CD2AP: variants seen among roughly 807,000 people sequenced by gnomAD.
The protein encoded by CD2AP is CD2 associated protein.
CD2AP carries 46 observed loss-of-function variants against 85.1 expected under a neutral mutation model. The observed-to-expected ratio is 0.54, with a 90% CI of 0.43 to 0.69. CD2AP has a LOEUF of 0.69. Among genes scored for constraint, CD2AP ranks in the 30% least tolerant of loss-of-function variants. CD2AP has a pLI of 0.00. For missense variants in CD2AP, 769 were observed against 729.5 expected (o/e 1.05, Z -0.62); for synonymous variants, 255 against 252.9 (o/e 1.01, Z -0.08).
chr6:47,551,293 A>G (rs1307300002), intron 4 of CD2AP, among the ~76,000 whole-genome samples: 1 of 152,198 alleles, frequency 6.6e-6, no homozygotes, highest in African/African-American at 2.4e-5. Context: ...TTCAACATGT[A>G]TGTTTTGATA....
intron 3 of CD2AP, among the ~76,000 whole-genome samples, chr6:47,539,309 T>C (rs570549611): frequency 1.3e-5 from 2 of 152,330 alleles, no homozygotes; most frequent in Admixed American, 6.5e-5. Context: ...AAGGTAATTT[T>C]GTACTGGGGT....
chr6:47,622,858 A>G (rs1486538263), intron 17 of CD2AP, among the ~76,000 whole-genome samples: 1 of 152,190 alleles, frequency 6.6e-6, no homozygotes, highest in Non-Finnish European at 1.5e-5. Context: ...CCTGTCCGCC[A>G]TGATGATCCC....
At chr6:47,503,241 A>G in intron 1 of CD2AP, 39 bp from the exon 2 acceptor site, 3 of 1,577,252 alleles carry the variant, frequency 1.9e-6, no homozygotes, top group Non-Finnish European at 8.7e-7. Flanking sequence ...TATTTTGTGA[A>G]TTAGATTTTA....
intron 1 of CD2AP, among the ~76,000 whole-genome samples, chr6:47,502,736 C>T (rs1434197415): frequency 1.3e-5 from 2 of 151,990 alleles, no homozygotes; most frequent in African/African-American, 4.8e-5. Flanking sequence ...TCGTGATCTG[C>T]CTGCCTTGGC....
chr6:47,512,587 A>G (rs1766347467), intron 2 of CD2AP, among the ~76,000 whole-genome samples: 1 of 152,144 alleles, frequency 6.6e-6, no homozygotes, highest in Non-Finnish European at 1.5e-5. Flanking sequence ...TGCCCATTTC[A>G]TTGTCCCTTT....
chr6:47,479,121 C>T (rs1765382458), intron 1 of CD2AP, among the ~76,000 whole-genome samples: 1 of 152,148 alleles, frequency 6.6e-6, no homozygotes, highest in South Asian at 2.1e-4. Flanking sequence ...TTAAAAGCAA[C>T]TTAAGAATAG....
intron 5 of CD2AP, among the ~76,000 whole-genome samples, chr6:47,561,439 C>G (rs368356005): frequency 5.9e-5 from 9 of 152,136 alleles, no homozygotes; most frequent in African/African-American, 2.2e-4. Flanking sequence ...CTTCCCTACC[C>G]TAGTCTTGGA....
rs1288340486 is a variant in CD2AP at position 47,606,199 on chromosome 6, A to C, written c.1452A>C (p.Glu484Asp). ...VVNFDDIASS[E>D]NLLHLTANRP... ...ATTTTGATGACATAGCTTCCTCAGA[A>C]AACTTGCTTCATCTCACTGCAAATA... is the stretch of plus-strand genomic sequence containing the variant. The change falls in exon 14 of 18, where the codon GAA becomes GAC. Residue 484 changes from glutamate (E) to aspartate (D), a missense_variant. By Grantham distance (45) the Glu-to-Asp change is conservative. Coordinates refer to ENST00000359314, the MANE Select transcript of CD2AP (RefSeq NM_012120.3). 6.2e-7 allele frequency: 1 copy of C among 1,609,760 alleles called. No individual in the cohort carries two copies. Among genetic ancestry groups the C allele is most frequent in the Admixed American group, 1.7e-5 (1 of 59,922 alleles).
At chr6:47,581,817 A>G (rs765461264) in intron 10 of CD2AP, among the ~76,000 whole-genome samples, 186 bp from the exon 11 acceptor site, 3 of 152,168 alleles carry the variant, frequency 2.0e-5, no homozygotes, top group Non-Finnish European at 4.4e-5. Flanking sequence ...GAGACCACAG[A>G]GTAGGGTAAT....
At chr6:47,536,106 A>G (rs1466769051) in intron 3 of CD2AP, among the ~76,000 whole-genome samples, 1 of 152,142 alleles carries the variant, frequency 6.6e-6, no homozygotes, top group Non-Finnish European at 1.5e-5. Flanking sequence ...TTTAAAGTAC[A>G]TGTGCTGCAA....
Position 47,505,011 on chromosome 6 carries a change from CTTTTTTTTTTTTTTTT to C in CD2AP, c.165+1581_165+1596del, listed in dbSNP as rs58060161. ...AAGGCTGGGGTGGCTGTGGCAGTTT[CTTTTTTTTTTTTTTTT>C]TTTTTTTTTAATTTATTTTTTTATT... On this transcript the variant is annotated intron_variant, in intron 2 of 17. Coordinates refer to ENST00000359314, the MANE Select transcript of CD2AP (RefSeq NM_012120.3). 8.4e-5 allele frequency among the ~76,000 whole-genome samples: 8 copies of C among 95,116 alleles called. No homozygotes were observed. In the South Asian group the frequency reaches 2.0e-3, roughly 24 times the overall value. 62.4% of individuals were successfully genotyped at this position (95,116 alleles called of 152,430 possible). A position where few individuals can be genotyped will look rare whatever the true frequency, so the allele number is the denominator to read the frequency against.
intron 1 of CD2AP, among the ~76,000 whole-genome samples, chr6:47,481,973 C>G (rs1049294634): frequency 3.9e-5 from 6 of 152,008 alleles, no homozygotes; most frequent in Non-Finnish European, 8.8e-5. Context: ...CTTGCCCAGG[C>G]TAGTCTCAAA....
intron 2 of CD2AP, among the ~76,000 whole-genome samples, chr6:47,530,302 G>A (rs985560475): frequency 6.6e-6 from 1 of 152,076 alleles, no homozygotes; most frequent in African/African-American, 2.4e-5. Flanking sequence ...GAAACCTCTG[G>A]CACAATAAAG....
chr6:47,596,220 T>C (rs556337284), intron 12 of CD2AP, among the ~76,000 whole-genome samples, 194 bp downstream of exon 12: 3 of 152,292 alleles, frequency 2.0e-5, no homozygotes, highest in African/African-American at 7.2e-5. Flanking sequence ...TAATTCATTG[T>C]GGAATGGCTT....
intron 4 of CD2AP, among the ~76,000 whole-genome samples, chr6:47,545,355 C>G (rs1767335921): frequency 6.6e-6 from 1 of 152,150 alleles, no homozygotes; most frequent in African/African-American, 2.4e-5. Flanking sequence ...AAGATCCACC[C>G]AAGGAGAGTC....
chr6:47,565,842 G>A (rs1482141906), intron 5 of CD2AP, among the ~76,000 whole-genome samples: 1 of 151,994 alleles, frequency 6.6e-6, no homozygotes, highest in Admixed American at 6.6e-5. Flanking sequence ...GAATAGTCTG[G>A]TAGCCAGTAG....
At chr6:47,513,211 A>G (rs910293374) in intron 2 of CD2AP, among the ~76,000 whole-genome samples, 9 of 149,328 alleles carry the variant, frequency 6.0e-5, no homozygotes, top group Non-Finnish European at 8.9e-5. Context: ...CTCAAAGTTT[A>G]CAGTTCTGGC....
At chr6:47,601,335 G>A (rs1237731302) in intron 13 of CD2AP, among the ~76,000 whole-genome samples, 4 of 151,898 alleles carry the variant, frequency 2.6e-5, no homozygotes, top group Admixed American at 2.6e-4. Flanking sequence ...ATAATCTAGA[G>A]ATGCTGAGAC....
rs1222528753 is a variant in CD2AP at position 47,580,851 on chromosome 6, A to G, written c.1009-13A>G. 1.3e-6 allele frequency: 2 copies of G among 1,597,128 alleles called. No homozygotes were observed. Among genetic ancestry groups the G allele is most frequent in the Non-Finnish European group, 1.7e-6 (2 of 1,165,050 alleles). ...AAACTGGTCAGCCGTTTCCACCATT[A>G]TTATTTTAACAGAAACCAAAGAAAC... On this transcript the variant is annotated splice_polypyrimidine_tract_variant and intron_variant, in intron 9 of 17. Coordinates refer to ENST00000359314, the MANE Select transcript of CD2AP (RefSeq NM_012120.3).
Sources: gnomAD v4.1 joint callset for allele counts (sites outside exome capture counted in the v4.1 genomes callset) on GRCh38, gnomAD v4.1.1 for gene constraint, MANE v1.5 for transcripts, NCBI Gene and HGNC (gene_info 2026-07-23, HGNC 2026-07-21) for gene names.